FGF14: variants seen among roughly 807,000 people sequenced by gnomAD.
FGF14 encodes fibroblast growth factor 14, also known as fibroblast growth factor homologous factor 4.
A neutral mutation model predicts 25.5 loss-of-function variants in FGF14; 5 were observed. The ratio of observed to expected loss-of-function variants is 0.20; its 90% CI spans 0.10 to 0.41. The LOEUF (loss-of-function observed/expected upper bound fraction) is 0.41, where lower values mean the gene tolerates loss of function less well. Ranked by LOEUF, FGF14 falls within the 10% of genes least tolerant of loss-of-function variation. The probability of loss-of-function intolerance (pLI) is 1.00; values close to 1 mark genes in which losing one functional copy is unlikely to be tolerated. For missense variants in FGF14, 222 were observed against 320.1 expected, an observed-to-expected ratio of 0.69 and a Z score of 2.34; for synonymous variants, 138 against 118.3, an observed-to-expected ratio of 1.17 and a Z score of -1.08.
chr13:102,325,387 T>C (rs547616322), intron 1 of FGF14, among the ~76,000 whole-genome samples: 36 of 152,330 alleles, frequency 2.4e-4, no homozygotes, highest in Non-Finnish European at 4.1e-4. Context: ...CTTTACAATA[T>C]TGCTTGGGGC....
intron 1 of FGF14, among the ~76,000 whole-genome samples, chr13:102,145,702 C>T (rs1056723568): frequency 2.0e-5 from 3 of 152,120 alleles, no homozygotes; most frequent in African/African-American, 7.2e-5. Context: ...TTTTCCCCAA[C>T]AGCTATGTTA....
chr13:102,019,460 G>A (rs1415178714), intron 1 of FGF14, among the ~76,000 whole-genome samples: 1 of 152,072 alleles, frequency 6.6e-6, no homozygotes, highest in African/African-American at 2.4e-5. Context: ...TGACTTCCCT[G>A]ATTTCTATGA....
rs869138439 is a variant in FGF14, at chr13:101,850,279, C to CAA, written c.408+18444_408+18445dup. ...TGAAACCCTGCCTCTACTAAAAATCCAAAAAAAAAAAAAAAAAAAAAAAAA... is the reference window on the plus strand; with the variant it reads ...TGAAACCCTGCCTCTACTAAAAATCCAAAAAAAAAAAAAAAAAAAAAAAAAAA... On this transcript the variant is annotated intron_variant, in intron 3 of 4. Transcript: ENST00000376143. 1.2e-3 allele frequency among the ~76,000 whole-genome samples: 34 copies of CAA among 27,946 alleles called. 6 individuals are homozygous for CAA. Among genetic ancestry groups the CAA allele is most frequent in the African/African-American group, 3.1e-3 (27 of 8,690 alleles). 18.3% of individuals were successfully genotyped at this position (27,946 alleles called of 152,430 possible). A position where few individuals can be genotyped will look rare whatever the true frequency, so the allele number is the denominator to read the frequency against.
intron 1 of FGF14, among the ~76,000 whole-genome samples, chr13:102,220,653 C>T (rs1034326088): frequency 6.6e-5 from 10 of 152,150 alleles, no homozygotes; most frequent in Non-Finnish European, 1.2e-4. Flanking sequence ...TTTTTCAAGG[C>T]ATTATATACA....
intron 3 of FGF14, among the ~76,000 whole-genome samples, chr13:101,780,888 G>A (rs1200400179): frequency 2.0e-5 from 3 of 151,998 alleles, no homozygotes; most frequent in Non-Finnish European, 2.9e-5. Context: ...CGAAGCAGAC[G>A]GCTCCTTGCT....
intron 3 of FGF14, among the ~76,000 whole-genome samples, chr13:101,750,772 G>T (rs945603023): frequency 6.6e-6 from 1 of 152,042 alleles, no homozygotes; most frequent in Non-Finnish European, 1.5e-5. Flanking sequence ...ATTCCTAATT[G>T]CCAAAACTTG....
At chr13:101,788,197 T>C (rs79163981) in intron 3 of FGF14, among the ~76,000 whole-genome samples, 8 of 152,180 alleles carry the variant, frequency 5.3e-5, no homozygotes, top group African/African-American at 9.6e-5. Flanking sequence ...ACTTTTTTTT[T>C]CCTGAAATCA....
chr13:101,740,690 A>G (rs372628026), intron 3 of FGF14, among the ~76,000 whole-genome samples: 1 of 152,316 alleles, frequency 6.6e-6, no homozygotes. Context: ...AGAGTATAAC[A>G]TAAGTTTCCA....
At chr13:102,020,112 T>G (rs1310565906) in intron 1 of FGF14, among the ~76,000 whole-genome samples, 4 of 152,080 alleles carry the variant, frequency 2.6e-5, no homozygotes, top group Admixed American at 1.3e-4. Flanking sequence ...GTAGGCATAC[T>G]AGAGTGAATT....
intron 1 of FGF14, among the ~76,000 whole-genome samples, chr13:102,390,826 G>A (rs796145799): frequency 6.6e-6 from 1 of 152,162 alleles, no homozygotes; most frequent in East Asian, 1.9e-4. Context: ...AATCTAGTAA[G>A]TGTAATATAC....
At chr13:101,833,128 G>T (rs9585791) in intron 3 of FGF14, among the ~76,000 whole-genome samples, 7 of 151,916 alleles carry the variant, frequency 4.6e-5, no homozygotes, top group African/African-American at 1.7e-4. Context: ...GGCCAGGGTG[G>T]GTAGGAGGTA....
intron 1 of FGF14, among the ~76,000 whole-genome samples, chr13:102,304,406 C>T (rs896173602): frequency 1.3e-5 from 2 of 152,116 alleles, no homozygotes; most frequent in Non-Finnish European, 1.5e-5. Flanking sequence ...CCTGATTCTT[C>T]CCTAACACGG....
chr13:102,143,690 A>G (rs565679398), intron 1 of FGF14, among the ~76,000 whole-genome samples: 1 of 152,340 alleles, frequency 6.6e-6, no homozygotes, highest in South Asian at 2.1e-4. Flanking sequence ...TACTGACTTG[A>G]TAGAGTCAAA....
chr13:102,142,295 TGGTAAA>T (rs1298384349), intron 1 of FGF14, among the ~76,000 whole-genome samples: 1 of 152,118 alleles, frequency 6.6e-6, no homozygotes, highest in Non-Finnish European at 1.5e-5. Context: ...TGTAGCACTG[TGGTAAA>T]AATAGGATAT....
chr13:101,886,552 A>C (rs73563238), intron 1 of FGF14, among the ~76,000 whole-genome samples: 12 of 152,318 alleles, frequency 7.9e-5, no homozygotes, highest in African/African-American at 2.6e-4. Flanking sequence ...AATGTATTAA[A>C]GATTTAAATG....
At chr13:102,289,153 A>G (rs751511654) in intron 1 of FGF14, among the ~76,000 whole-genome samples, 2 of 151,972 alleles carry the variant, frequency 1.3e-5, no homozygotes, top group African/African-American at 2.4e-5. Flanking sequence ...TTTGTTCATC[A>G]CTCCTTGAGT....
chr13:102,363,806 T>G (rs1851626766), intron 1 of FGF14, among the ~76,000 whole-genome samples: 1 of 152,222 alleles, frequency 6.6e-6, no homozygotes, highest in Non-Finnish European at 1.5e-5. Context: ...CACAAATGTA[T>G]AGCCAAGATT....
In FGF14 at chr13:101,841,613, G is replaced by A. The variant is rs2043195140; in HGVS notation, c.408+27112C>T. 2.0e-5 allele frequency among the ~76,000 whole-genome samples: 3 copies of A among 151,976 alleles called. No individual in the cohort carries two copies. The South Asian group carries it at 6.2e-4, about 31-fold the overall frequency. On this transcript the variant is annotated intron_variant, in intron 3 of 4. Transcript: ENST00000376143. ...AGACTAGCAAGAAAAGTGTTCAGAG[G>A]TAGAAAGCAGTTGCCAGCATTGATT...
At position 101,829,598 on chromosome 13, in the gene FGF14, G is replaced by C. The variant is rs939049558; in HGVS notation, c.408+39127C>G. 9.2e-5 allele frequency among the ~76,000 whole-genome samples: 14 copies of C among 151,740 alleles called. 1 individual carries two copies. Among genetic ancestry groups the C allele is most frequent in the Admixed American group, 1.3e-4 (2 of 15,196 alleles). On this transcript the variant is annotated intron_variant, in intron 3 of 4. Coordinates refer to ENST00000376143, the MANE Select transcript of FGF14 (RefSeq NM_004115.4). ...TTACCCTATTTAAAACCCATTTCCA[G>C]CATCGTCATCATAAAAAAAAAATGT...
Sources: gnomAD v4.1 joint callset for allele counts (sites outside exome capture counted in the v4.1 genomes callset) on GRCh38, gnomAD v4.1.1 for gene constraint, MANE v1.5 for transcripts, NCBI Gene and HGNC (gene_info 2026-07-23, HGNC 2026-07-21) for gene names.